The following CYRIB variants were observed in gnomAD, a reference collection of about 807,000 sequenced individuals.
CYRIB encodes the protein CYFIP related Rac1 interactor B, also known as CYFIP-related Rac1 interactor B.
CYRIB carries 8 observed loss-of-function variants against 44.2 expected under a neutral mutation model. That is an observed-to-expected ratio of 0.18 (90% CI 0.11 to 0.33). The LOEUF is 0.33. Among genes scored for constraint, CYRIB ranks in the 10% least tolerant of loss-of-function variants. The pLI is 1.00. For synonymous variants in CYRIB, 131 were observed against 127.2 expected, an observed-to-expected ratio of 1.03 and a Z score of -0.20; for missense variants, 185 against 382.8, an observed-to-expected ratio of 0.48 and a Z score of 4.31.
At chr8:129,997,477 C>T (rs766053169) in intron 1 of CYRIB, among the ~76,000 whole-genome samples, 13 of 152,172 alleles carry the variant, frequency 8.5e-5, no homozygotes, top group African/African-American at 2.2e-4. Flanking sequence ...AATAAAATCA[C>T]GGGAAAATGC....
intron 8 of CYRIB, chr8:129,851,349 T>A (rs1490167470): frequency 6.1e-6 from 1 of 164,724 alleles, no homozygotes; most frequent in Non-Finnish European, 1.3e-5. Context: ...GTGGAGGAAG[T>A]AAGAATGGTC....
chr8:129,935,689 G>C (rs896600951), intron 1 of CYRIB, among the ~76,000 whole-genome samples: 3 of 152,090 alleles, frequency 2.0e-5, no homozygotes, highest in African/African-American at 7.2e-5. Context: ...ACCAAGAAGA[G>C]ATTACTGCAT....
chr8:129,945,520 CTTT>C (rs1213450629), intron 2 of CYRIB, among the ~76,000 whole-genome samples: 1 of 152,152 alleles, frequency 6.6e-6, no homozygotes, highest in East Asian at 1.9e-4. Flanking sequence ...TCTCCTTATG[CTTT>C]TTTGACTCCC....
At chr8:129,994,274 G>GC (rs199794114) in intron 1 of CYRIB, among the ~76,000 whole-genome samples, 3 of 152,022 alleles carry the variant, frequency 2.0e-5, no homozygotes, top group Admixed American at 6.6e-5. Context: ...GAAGCTGGGG[G>GC]GGGTGGCATG....
In CYRIB at chr8:129,999,752, G is replaced by A. The variant is rs138048985; in HGVS notation, c.-296+16618C>T. Among the ~76,000 whole-genome samples the A allele has an allele frequency of 7.5e-3, 1,149 of 152,240 alleles. 18 individuals carry two copies. Among genetic ancestry groups the A allele is most frequent in the African/African-American group, 0.026 (1,079 of 41,550 alleles). On this transcript the variant is annotated intron_variant, in intron 1 of 14. Coordinates refer to the CYRIB transcript ENST00000401979. ...TGCAGTCCTCCCACTTCAGCCTCCC[G>A]AATAGCTGGGACTACTGATGAGTGC...
Position 130,015,677 on chromosome 8 carries a change from A to C in CYRIB, c.-296+693T>G, listed in dbSNP as rs2097326621. ...AGGACACACGTTTCAAAGGACACAC[A>C]GGTTTTTCCCAACCCCAGTGTGTGT... is the stretch of plus-strand genomic sequence containing the variant. On this transcript the variant is annotated intron_variant, in intron 1 of 14. Transcript: ENST00000401979. Among the ~76,000 whole-genome samples, 3 of 152,146 alleles carry C rather than the reference A, an allele frequency of 2.0e-5. No homozygotes were observed. The South Asian group carries it at 6.2e-4, about 31-fold the overall frequency.
At chr8:129,957,951 C>T (rs1367645867) in intron 2 of CYRIB, among the ~76,000 whole-genome samples, 7 of 135,086 alleles carry the variant, frequency 5.2e-5, no homozygotes, top group South Asian at 4.8e-4. Flanking sequence ...GGCGACAGAA[C>T]GAGACTCCAT....
chr8:129,855,859 AAC>A (rs1456006623), intron 5 of CYRIB, 112 bp from the exon 8 acceptor site: 2 of 986,612 alleles, frequency 2.0e-6, no homozygotes, highest in African/African-American at 1.6e-5. Context: ...CTCTTTAAAA[AAC>A]AGATGATCTA....
chr8:129,990,282 A>C (rs1365222675), intron 1 of CYRIB, among the ~76,000 whole-genome samples: 1 of 152,218 alleles, frequency 6.6e-6, no homozygotes, highest in Non-Finnish European at 1.5e-5. Flanking sequence ...TATAGTTGGC[A>C]TTCAATAAAC....
chr8:129,972,967 T>C (rs1448767400), intron 1 of CYRIB, among the ~76,000 whole-genome samples: 1 of 152,208 alleles, frequency 6.6e-6, no homozygotes, highest in South Asian at 2.1e-4. Flanking sequence ...TCTCAGTCTT[T>C]CGGAGCATCT....
At chr8:129,871,109 C>G (rs1430434882) in intron 4 of CYRIB, among the ~76,000 whole-genome samples, 1 of 152,158 alleles carries the variant, frequency 6.6e-6, no homozygotes, top group Non-Finnish European at 1.5e-5. Flanking sequence ...GGAAGCACCA[C>G]ATAAATACTG....
exon 12 of CYRIB, chr8:129,841,229 C>T (rs1217388660): frequency 6.6e-6 from 1 of 152,076 alleles, no homozygotes; most frequent in Non-Finnish European, 1.5e-5. Flanking sequence ...TACATCCATA[C>T]AAGAGTAAAT....
intron 2 of CYRIB, among the ~76,000 whole-genome samples, chr8:129,897,950 G>GA (rs1241312437): frequency 1.3e-5 from 2 of 152,014 alleles, no homozygotes; most frequent in Non-Finnish European, 2.9e-5. Context: ...ATTTTTAGTA[G>GA]AGATGGGGTT....
chr8:129,852,389 T>C (rs2043759923), intron 7 of CYRIB, 111 bp from the exon 10 acceptor site: 1 of 505,974 alleles, frequency 2.0e-6, no homozygotes, highest in Non-Finnish European at 3.4e-6. Flanking sequence ...TAGACTCTCA[T>C]GTATCGATAA....
chr8:129,891,147 C>A (rs2065222193), intron 2 of CYRIB, among the ~76,000 whole-genome samples: 4 of 152,178 alleles, frequency 2.6e-5, no homozygotes, highest in Admixed American at 2.0e-4. Flanking sequence ...TGGGGTTCTT[C>A]CTTCAGGCTC....
chr8:129,934,546 T>C (rs1193364041), intron 1 of CYRIB, among the ~76,000 whole-genome samples: 1 of 152,108 alleles, frequency 6.6e-6, no homozygotes, highest in Non-Finnish European at 1.5e-5. Context: ...ACTGAGTGGT[T>C]AAATTAAATA....
intron 1 of CYRIB, among the ~76,000 whole-genome samples, chr8:129,975,828 A>G (rs1429859571): frequency 6.6e-6 from 1 of 152,122 alleles, no homozygotes; most frequent in Non-Finnish European, 1.5e-5. Context: ...CAGAGTTTAA[A>G]AATACTGCAG....
rs182517826 is a variant in CYRIB at position 129,934,605 on chromosome 8, C to G, written c.-50+5003G>C. Among the ~76,000 whole-genome samples the G allele has an allele frequency of 1.1e-4, 17 of 152,274 alleles. 1 individual carries two copies. The East Asian group carries it at 2.5e-3, about 22-fold the overall frequency. On this transcript the variant is annotated intron_variant, in intron 1 of 11. Transcript: ENST00000519824. ...AAGCCTGGGATTAACAAAAGCCCAT[C>G]ATGAGTTTTGCCTAGGCCTTTCCTA... is the stretch of plus-strand genomic sequence containing the variant.
intron 2 of CYRIB, chr8:129,903,083 T>C (rs567392239): frequency 6.6e-6 from 1 of 152,516 alleles, no homozygotes; most frequent in Non-Finnish European, 1.5e-5. Flanking sequence ...ATACCTCTCC[T>C]AAAGAAAGAA....
Sources: gnomAD v4.1 joint callset for allele counts (sites outside exome capture counted in the v4.1 genomes callset) on GRCh38, gnomAD v4.1.1 for gene constraint, MANE v1.5 for transcripts, NCBI Gene and HGNC (gene_info 2026-07-23, HGNC 2026-07-21) for gene names.